Variants in DYNC1I1 observed in about 807,000 individuals in gnomAD.
DYNC1I1 encodes the protein dynein cytoplasmic 1 intermediate chain 1, also known as cytoplasmic dynein 1 intermediate chain 1.
DYNC1I1 carries 43 observed loss-of-function variants against 86.6 expected under a neutral mutation model. The ratio of observed to expected loss-of-function variants is 0.50; its 90% CI spans 0.39 to 0.64. The LOEUF is 0.64. DYNC1I1 is among the 30% of genes least tolerant of loss of function. The probability of loss-of-function intolerance (pLI) is 0.00; values close to 1 mark genes in which losing one functional copy is unlikely to be tolerated. For missense variants in DYNC1I1, 604 were observed against 788.8 expected (o/e 0.77, Z 2.81); for synonymous variants, 262 against 283.7 (o/e 0.92, Z 0.77).
intron 16 of DYNC1I1, among the ~76,000 whole-genome samples, chr7:96,107,133 G>A (rs763850144): frequency 6.6e-6 from 1 of 151,542 alleles, no homozygotes; most frequent in Non-Finnish European, 1.5e-5. Context: ...TTCAAGTCAT[G>A]TTCATTCCTC....
chr7:96,078,350 CAGAG>C (rs1185896717), intron 15 of DYNC1I1, among the ~76,000 whole-genome samples: 1 of 152,084 alleles, frequency 6.6e-6, no homozygotes, highest in Non-Finnish European at 1.5e-5. Context: ...GTATAAGAGA[CAGAG>C]AGAACATATG....
intron 2 of DYNC1I1, among the ~76,000 whole-genome samples, chr7:95,809,456 A>T (rs1403813763): frequency 6.6e-6 from 1 of 152,170 alleles, no homozygotes; most frequent in East Asian, 1.9e-4. Flanking sequence ...AAGCTTACAA[A>T]GCTTTGTTGT....
At chr7:95,919,504 G>A (rs990848760) in intron 6 of DYNC1I1, among the ~76,000 whole-genome samples, 7 of 152,114 alleles carry the variant, frequency 4.6e-5, no homozygotes, top group African/African-American at 1.7e-4. Flanking sequence ...AGGTAAATAT[G>A]TAAAACAAAG....
chr7:95,812,608 T>A (rs1584245975), intron 3 of DYNC1I1, among the ~76,000 whole-genome samples: 2 of 152,256 alleles, frequency 1.3e-5, no homozygotes, highest in East Asian at 3.9e-4. Flanking sequence ...CAACTATTAA[T>A]TAAATGTAAA....
At chr7:95,852,518 A>G (rs948261300) in intron 5 of DYNC1I1, among the ~76,000 whole-genome samples, 1 of 151,086 alleles carries the variant, frequency 6.6e-6, no homozygotes, top group African/African-American at 2.4e-5. Flanking sequence ...TATTATTATT[A>G]TTATTTTGAG....
chr7:95,857,826 C>T (rs943451017), intron 5 of DYNC1I1, among the ~76,000 whole-genome samples: 1 of 152,218 alleles, frequency 6.6e-6, no homozygotes, highest in Non-Finnish European at 1.5e-5. Flanking sequence ...CCTGCAGACT[C>T]ACCCATCACT....
At chr7:96,023,863 G>A (rs902801467) in intron 10 of DYNC1I1, among the ~76,000 whole-genome samples, 5 of 152,158 alleles carry the variant, frequency 3.3e-5, no homozygotes, top group Non-Finnish European at 7.3e-5. Flanking sequence ...AAAAACATTG[G>A]AAACTGTCAA....
intron 14 of DYNC1I1, among the ~76,000 whole-genome samples, chr7:96,066,079 C>T (rs1789976629): frequency 6.6e-6 from 1 of 152,134 alleles, no homozygotes; most frequent in Admixed American, 6.5e-5. Flanking sequence ...CACTTTTCCC[C>T]TACCCAAACC....
At chr7:95,846,623 C>CTGTGTGTGTG (rs1314616292) in intron 5 of DYNC1I1, among the ~76,000 whole-genome samples, 12,984 of 119,334 alleles carry the variant, frequency 0.11, 941 homozygotes, top group Non-Finnish European at 0.15. Context: ...ATAAATCTCT[C>CTGTGTGTGTG]TCTCTGTGTG....
At chr7:95,898,597 A>T (rs545066913) in intron 6 of DYNC1I1, among the ~76,000 whole-genome samples, 1 of 152,324 alleles carries the variant, frequency 6.6e-6, no homozygotes, top group East Asian at 1.9e-4. Context: ...CAGTGGAAAG[A>T]TCTAAATTCT....
chr7:96,007,292 A>T (rs1473875802), intron 10 of DYNC1I1, among the ~76,000 whole-genome samples: 1 of 152,208 alleles, frequency 6.6e-6, no homozygotes, highest in East Asian at 1.9e-4. Flanking sequence ...AAAAACCTTT[A>T]CAAATTCTTA....
At chr7:96,026,819 T>G (rs2115953631) in intron 10 of DYNC1I1, among the ~76,000 whole-genome samples, 2 of 152,170 alleles carry the variant, frequency 1.3e-5, no homozygotes, top group Middle Eastern at 6.8e-3. Context: ...ATTTCCAGCC[T>G]CCTCTCCCCC....
At chr7:96,096,495 A>G (rs1376675921) in intron 16 of DYNC1I1, among the ~76,000 whole-genome samples, 1 of 152,076 alleles carries the variant, frequency 6.6e-6, no homozygotes, top group African/African-American at 2.4e-5. Flanking sequence ...AAGCATTCAG[A>G]CTTCTACTAA....
Position 96,043,462 on chromosome 7 carries a change from G to A in DYNC1I1, c.1509+4041G>A, listed in dbSNP as rs1789117396. On this transcript the variant is annotated intron_variant, in intron 14 of 16. Transcript: ENST00000447467. Reference sequence around the variant, plus strand: ...AAACCCAGACCGCTGGCATATCTACGGGACACCTGATTTAGTTTCTGCAAC... The same window carrying A: ...AAACCCAGACCGCTGGCATATCTACAGGACACCTGATTTAGTTTCTGCAAC... Among the ~76,000 whole-genome samples, 4 of 151,332 alleles carry A rather than the reference G, an allele frequency of 2.6e-5. No homozygotes were observed. The South Asian group carries it at 8.3e-4, about 31-fold the overall frequency.
At chr7:96,059,922 C>T (rs1464649500) in intron 14 of DYNC1I1, among the ~76,000 whole-genome samples, 2 of 152,138 alleles carry the variant, frequency 1.3e-5, no homozygotes, top group African/African-American at 4.8e-5. Flanking sequence ...TCTTTTTGGC[C>T]TACTAAGTGG....
chr7:95,793,904 C>A (rs1364468107), intron 1 of DYNC1I1, among the ~76,000 whole-genome samples: 2 of 152,192 alleles, frequency 1.3e-5, no homozygotes, highest in African/African-American at 4.8e-5. Flanking sequence ...GGAGGATCCA[C>A]CCCTTTCTAT....
At chr7:95,922,039 A>G (rs2116379841) in intron 6 of DYNC1I1, among the ~76,000 whole-genome samples, 1 of 152,284 alleles carries the variant, frequency 6.6e-6, no homozygotes, top group East Asian at 1.9e-4. Context: ...GGCAAAACTT[A>G]ATTTCATCAA....
At chr7:96,086,342 A>G (rs1790679179) in intron 16 of DYNC1I1, among the ~76,000 whole-genome samples, 1 of 152,192 alleles carries the variant, frequency 6.6e-6, no homozygotes. Context: ...TTTTGTTTTC[A>G]GTTGTGATAA....
At chr7:95,873,870 T>G (rs1047137968) in intron 6 of DYNC1I1, among the ~76,000 whole-genome samples, 4 of 152,260 alleles carry the variant, frequency 2.6e-5, no homozygotes, top group African/African-American at 9.6e-5. Flanking sequence ...TTGCTGTCAC[T>G]TTCACATAAG....
Sources: gnomAD v4.1 joint callset for allele counts (sites outside exome capture counted in the v4.1 genomes callset) on GRCh38, gnomAD v4.1.1 for gene constraint, MANE v1.5 for transcripts, NCBI Gene and HGNC (gene_info 2026-07-23, HGNC 2026-07-21) for gene names.